Variants in ZMYM1 observed in about 807,000 individuals in gnomAD.
ZMYM1 encodes zinc finger MYM-type protein 1.
A neutral mutation model predicts 60.0 loss-of-function variants in ZMYM1; 39 were observed. That is an observed-to-expected ratio of 0.65 (90% CI 0.50 to 0.85). ZMYM1 has a LOEUF of 0.85. Among genes scored for constraint, ZMYM1 ranks in the 40% least tolerant of loss-of-function variants. The probability of loss-of-function intolerance (pLI) is 0.00; values close to 1 mark genes in which losing one functional copy is unlikely to be tolerated. For missense variants in ZMYM1, 1,171 were observed against 1,309.5 expected (o/e 0.89, Z 1.63); for synonymous variants, 413 against 454.0 (o/e 0.91, Z 1.15).
chr1:35,114,208 G>C lies in ZMYM1; in HGVS notation c.2378G>C (p.Arg793Thr). Residue 793 changes from arginine (R) to threonine (T), a missense_variant, in exon 10 of 10, where the codon AGG becomes ACG. Physicochemically the swap from Arg to Thr is moderately conservative, Grantham distance 71. Transcript: ENST00000359858. ...TTGGCAAATTTTCGAAACATTTATA[G>C]GCTAAGTCAAAACAAAACATGCAAG... ...EMLANFRNIY[R>T]LSQNKTCKKH... is the part of the protein sequence containing the mutation. 1 of 1,613,396 alleles carries C rather than the reference G, an allele frequency of 6.2e-7. No homozygotes were observed. The highest frequency in any genetic ancestry group is 8.5e-7 in the Non-Finnish European group (1 of 1,179,774).
intron 1 of ZMYM1, among the ~76,000 whole-genome samples, chr1:35,086,733 C>T (rs1048281385): frequency 2.1e-4 from 32 of 151,270 alleles, no homozygotes; most frequent in African/African-American, 7.3e-4. Context: ...CAGGCTTGAG[C>T]GACAGTGAGC....
intron 1 of ZMYM1, among the ~76,000 whole-genome samples, chr1:35,065,622 A>C (rs555863822): frequency 6.6e-6 from 1 of 151,820 alleles, no homozygotes; most frequent in East Asian, 1.9e-4. Context: ...GAATGATCTC[A>C]AATAAATAAT....
intron 1 of ZMYM1, among the ~76,000 whole-genome samples, chr1:35,089,726 T>C (rs1318325512): frequency 6.7e-6 from 1 of 149,246 alleles, no homozygotes; most frequent in African/African-American, 2.4e-5. Flanking sequence ...TCCATAATGA[T>C]TAGTTGTAAG....
At chr1:35,087,431 CTT>C (rs11367127) in intron 1 of ZMYM1, among the ~76,000 whole-genome samples, 52 of 142,120 alleles carry the variant, frequency 3.7e-4, no homozygotes, top group African/African-American at 3.9e-4. Context: ...CTTGCATTTT[CTT>C]TTTTTTTTTT....
intron 1 of ZMYM1, among the ~76,000 whole-genome samples, chr1:35,079,797 A>G (rs921834923): frequency 2.0e-5 from 3 of 152,086 alleles, no homozygotes; most frequent in Non-Finnish European, 4.4e-5. Flanking sequence ...TCTCTCCTTC[A>G]TTGAGCAGTG....
upstream of ZMYM1, among the ~76,000 whole-genome samples, chr1:35,074,926 T>G (rs146759207): frequency 7.7e-3 from 1,164 of 151,884 alleles, 12 homozygotes; most frequent in African/African-American, 0.027. Flanking sequence ...AGTGGCGCGA[T>G]CTCGGCTCAC....
intron 1 of ZMYM1, among the ~76,000 whole-genome samples, chr1:35,064,908 C>G (rs563236207): frequency 2.6e-5 from 4 of 152,044 alleles, no homozygotes; most frequent in Non-Finnish European, 5.9e-5. Flanking sequence ...ATCTCCTGAC[C>G]TCGTGATCCG....
At chr1:35,067,685 G>A (rs1245505130) in intron 1 of ZMYM1, among the ~76,000 whole-genome samples, 2 of 151,712 alleles carry the variant, frequency 1.3e-5, no homozygotes, top group Admixed American at 1.3e-4. Flanking sequence ...GAGCAGCCTG[G>A]CCAATATGGT....
intron 1 of ZMYM1, among the ~76,000 whole-genome samples, chr1:35,092,630 CCTTTT>C (rs1019992349): frequency 2.1e-5 from 3 of 144,996 alleles, no homozygotes; most frequent in African/African-American, 7.7e-5. Flanking sequence ...CCTTTCTTTT[CCTTTT>C]CTTTTCTTTC....
intron 1 of ZMYM1, among the ~76,000 whole-genome samples, chr1:35,084,501 G>T (rs1270215083): frequency 6.6e-6 from 1 of 152,190 alleles, no homozygotes; most frequent in Non-Finnish European, 1.5e-5. Context: ...GTTGATTATA[G>T]GTCTTGTTAA....
intron 1 of ZMYM1, among the ~76,000 whole-genome samples, chr1:35,080,098 C>A (rs199851564): frequency 4.7e-5 from 7 of 149,500 alleles, no homozygotes; most frequent in Admixed American, 6.7e-5. Flanking sequence ...GACCCCGTCT[C>A]AAAAAAAAAA....
chr1:35,101,168 G>C (rs1025146830), intron 4 of ZMYM1, among the ~76,000 whole-genome samples: 5 of 145,392 alleles, frequency 3.4e-5, no homozygotes, highest in African/African-American at 1.3e-4. Flanking sequence ...GAGTTCAATA[G>C]CGGGATCTCA....
intron 1 of ZMYM1, among the ~76,000 whole-genome samples, chr1:35,060,567 A>C (rs1641855593): frequency 6.6e-6 from 1 of 152,118 alleles, no homozygotes; most frequent in South Asian, 2.1e-4. Context: ...CCTCTGAACT[A>C]AGTCAGAGGG....
At chr1:35,083,754 G>A (rs1642512422) in intron 1 of ZMYM1, among the ~76,000 whole-genome samples, 1 of 151,938 alleles carries the variant, frequency 6.6e-6, no homozygotes, top group Non-Finnish European at 1.5e-5. Flanking sequence ...CACATAGCCT[G>A]TACTACAGGC....
intron 4 of ZMYM1, among the ~76,000 whole-genome samples, chr1:35,101,305 C>T (rs2148535356): frequency 6.6e-6 from 1 of 151,226 alleles, no homozygotes; most frequent in Admixed American, 6.6e-5. Flanking sequence ...GATGGGGTTT[C>T]ACCGTGTTGG....
At chr1:35,088,051 T>C (rs1054923561) in intron 1 of ZMYM1, among the ~76,000 whole-genome samples, 2 of 150,668 alleles carry the variant, frequency 1.3e-5, no homozygotes, top group Non-Finnish European at 3.0e-5. Flanking sequence ...CAGAGAGAGA[T>C]TCCATCTCAA....
chr1:35,095,095 A>G (rs569993770), intron 2 of ZMYM1, among the ~76,000 whole-genome samples: 2 of 152,232 alleles, frequency 1.3e-5, no homozygotes, highest in South Asian at 4.1e-4. Flanking sequence ...AAGTTTAGAT[A>G]TGGTGGCTAT....
intron 1 of ZMYM1, chr1:35,059,991 C>T (rs1641842162): frequency 6.6e-6 from 1 of 151,978 alleles, no homozygotes; most frequent in African/African-American, 2.4e-5. Flanking sequence ...TGCCACCTTT[C>T]CTTTTCTAGA....
At chr1:35,099,267 C>T (rs970434890) in intron 4 of ZMYM1, among the ~76,000 whole-genome samples, 40 of 152,156 alleles carry the variant, frequency 2.6e-4, no homozygotes, top group African/African-American at 9.7e-4. Context: ...TTCAACCCTT[C>T]AATACTATAC....
Sources: allele counts gnomAD v4.1 joint callset (sites outside exome capture counted in the v4.1 genomes callset), GRCh38; gene constraint gnomAD v4.1.1; transcripts MANE v1.5; gene names NCBI Gene and HGNC (gene_info 2026-07-23, HGNC 2026-07-21).